The following SDCCAG8 variants were observed in gnomAD, a reference collection of about 807,000 sequenced individuals.
SDCCAG8 encodes SHH signaling and ciliogenesis regulator SDCCAG8.
In SDCCAG8, 74 loss-of-function variants were observed where a neutral mutation model predicts 101.8. The observed-to-expected ratio is 0.73, with a 90% confidence interval of 0.60 to 0.88. SDCCAG8 has a LOEUF of 0.88. SDCCAG8 is among the 40% of genes least tolerant of loss of function. The pLI, the probability that SDCCAG8 is intolerant of heterozygous loss-of-function variation, is 0.00. For missense variants in SDCCAG8, 787 were observed against 822.6 expected (o/e 0.96, Z 0.53); for synonymous variants, 281 against 292.9 (o/e 0.96, Z 0.41).
chr1:243,315,650 T>G (rs886511197), intron 8 of SDCCAG8, among the ~76,000 whole-genome samples: 1 of 152,186 alleles, frequency 6.6e-6, no homozygotes, highest in Non-Finnish European at 1.5e-5. Context: ...ATGTTTTAAA[T>G]TGAATCATTG....
chr1:243,321,760 T>C (rs142857172), intron 9 of SDCCAG8, among the ~76,000 whole-genome samples: 98 of 152,290 alleles, frequency 6.4e-4, no homozygotes, highest in African/African-American at 2.3e-3. Context: ...GTGATTCTTC[T>C]GTCTCAGCCT....
intron 9 of SDCCAG8, among the ~76,000 whole-genome samples, chr1:243,328,119 G>C (rs150922496): frequency 6.6e-6 from 1 of 152,034 alleles, no homozygotes; most frequent in African/African-American, 2.4e-5. Flanking sequence ...AGCCAGGATG[G>C]TCTCGATCTC....
intron 16 of SDCCAG8, among the ~76,000 whole-genome samples, chr1:243,427,500 G>A (rs1439040011): frequency 6.6e-6 from 1 of 152,008 alleles, no homozygotes; most frequent in Non-Finnish European, 1.5e-5. Context: ...CCGCATGCAC[G>A]ATGATAGCAG....
chr1:243,490,297 TCTGAGACTGCTCC>T (rs1201817467), intron 17 of SDCCAG8, among the ~76,000 whole-genome samples: 1 of 152,224 alleles, frequency 6.6e-6, no homozygotes, highest in Non-Finnish European at 1.5e-5. Flanking sequence ...TCCCCATGCT[TCTGAGACTGCTCC>T]CAGGGACTGT....
chr1:243,484,863 G>A (rs1016911239), intron 16 of SDCCAG8, among the ~76,000 whole-genome samples: 13 of 152,256 alleles, frequency 8.5e-5, no homozygotes, highest in Middle Eastern at 3.4e-3. Flanking sequence ...GGCCAACATC[G>A]TGAAACCCCA....
chr1:243,307,862 TG>T, intron 7 of SDCCAG8, 126 bp from the exon 8 acceptor site: 1 of 1,535,924 alleles, frequency 6.5e-7, no homozygotes, highest in Non-Finnish European at 8.7e-7. Flanking sequence ...AATAAGGTAT[TG>T]GACGTAAACT....
intron 13 of SDCCAG8, among the ~76,000 whole-genome samples, chr1:243,408,652 T>A (rs962652982): frequency 1.3e-5 from 2 of 152,200 alleles, no homozygotes; most frequent in Non-Finnish European, 2.9e-5. Context: ...TGAAGCATAG[T>A]GATTCACTGT....
chr1:243,310,410 A>G (rs190681932), intron 8 of SDCCAG8, among the ~76,000 whole-genome samples: 1 of 152,258 alleles, frequency 6.6e-6, no homozygotes, highest in Non-Finnish European at 1.5e-5. Context: ...CCCCCGTTTT[A>G]TAGCTAGGGA....
intron 12 of SDCCAG8, among the ~76,000 whole-genome samples, chr1:243,370,808 T>A (rs1258304166): frequency 6.6e-6 from 1 of 152,134 alleles, no homozygotes; most frequent in Non-Finnish European, 1.5e-5. Context: ...AAAAGTTTCT[T>A]AAAATTCCTT....
chr1:243,407,932 T>G (rs2079897300), intron 13 of SDCCAG8, among the ~76,000 whole-genome samples: 1 of 152,330 alleles, frequency 6.6e-6, no homozygotes, highest in East Asian at 1.9e-4. Context: ...GTTCCACATT[T>G]GCTCAAATAA....
intron 1 of SDCCAG8, among the ~76,000 whole-genome samples, chr1:243,266,467 A>G (rs993742758): frequency 1.3e-5 from 2 of 151,720 alleles, no homozygotes; most frequent in South Asian, 2.1e-4. Context: ...CAGGCACACA[A>G]CACCACAACC....
intron 3 of SDCCAG8, among the ~76,000 whole-genome samples, chr1:243,273,326 G>A (rs1388169902): frequency 1.3e-5 from 2 of 152,018 alleles, no homozygotes; most frequent in Non-Finnish European, 2.9e-5. Flanking sequence ...TGTTTAACTG[G>A]TTGACCCTTG....
intron 17 of SDCCAG8, among the ~76,000 whole-genome samples, chr1:243,496,643 G>C (rs954745942): frequency 3.9e-5 from 6 of 152,210 alleles, no homozygotes; most frequent in African/African-American, 1.4e-4. Context: ...GTGAGCAGGG[G>C]CGAGGGGTGC....
At chr1:243,340,935 C>A in intron 10 of SDCCAG8, 104 bp from the exon 11 acceptor site, 1 of 1,191,140 alleles carries the variant, frequency 8.4e-7, no homozygotes, top group Non-Finnish European at 1.2e-6. Context: ...AGAAATGGCT[C>A]ACAGAGCCCA....
chr1:243,270,921 G>A (rs1157201458), intron 2 of SDCCAG8, 57 bp from the exon 3 acceptor site: 1 of 1,255,356 alleles, frequency 8.0e-7, no homozygotes, highest in African/African-American at 1.5e-5. Context: ...ATGGATGGGT[G>A]GTAAGAAACC....
intron 15 of SDCCAG8, among the ~76,000 whole-genome samples, chr1:243,420,525 A>T (rs2080924654): frequency 6.6e-6 from 1 of 152,230 alleles, no homozygotes; most frequent in African/African-American, 2.4e-5. Flanking sequence ...CAGCCAGATC[A>T]GGAAAATGTG....
rs550944224 is a variant in SDCCAG8, at chr1:243,356,263, G to T, written c.1473+11932G>T. On this transcript the variant is annotated intron_variant, in intron 12 of 17. Transcript: ENST00000366541. ...TCTTATTAATCTATAACCTTACTGT[G>T]ACTTACTAATGATTTTTCTTGAGCA... Among the ~76,000 whole-genome samples the T allele has an allele frequency of 8.5e-5, 13 of 152,146 alleles. No homozygotes were observed. In the East Asian group the frequency reaches 2.5e-3, roughly 29 times the overall value.
chr1:243,292,729 AATT>A (rs778577063), intron 5 of SDCCAG8, among the ~76,000 whole-genome samples: 3 of 152,244 alleles, frequency 2.0e-5, no homozygotes, highest in Admixed American at 6.5e-5. Context: ...TTTTGATAAA[AATT>A]ATTATTAGCC....
At position 243,344,199 on chromosome 1, in the gene SDCCAG8, T is replaced by G. The variant is rs2147790873; in HGVS notation, c.1357-16T>G. 2.5e-6 allele frequency: 4 copies of G among 1,606,126 alleles called. No individual in the cohort carries two copies. The highest frequency in any genetic ancestry group is 3.4e-6 in the Non-Finnish European group (4 of 1,172,826). Reference sequence around the variant, plus strand: ...GATTCCAGCAGGTAATCATCCAGTTTTTTACAATCTAACAGGTGTGTGGAG... The same window carrying G: ...GATTCCAGCAGGTAATCATCCAGTTGTTTACAATCTAACAGGTGTGTGGAG... On this transcript the variant is annotated splice_polypyrimidine_tract_variant and intron_variant, in intron 11 of 17. Coordinates refer to ENST00000366541, the MANE Select transcript of SDCCAG8 (RefSeq NM_006642.5).
Sources: allele counts gnomAD v4.1 joint callset (sites outside exome capture counted in the v4.1 genomes callset), GRCh38; gene constraint gnomAD v4.1.1; transcripts MANE v1.5; gene names NCBI Gene and HGNC (gene_info 2026-07-23, HGNC 2026-07-21).